Variants in ARHGEF7 observed in about 807,000 individuals in gnomAD.
The protein encoded by ARHGEF7 is Rho guanine nucleotide exchange factor 7, also known as PAK-interacting exchange factor beta.
Under a neutral mutation model 109.8 loss-of-function variants are expected in ARHGEF7, and 33 were observed. The observed-to-expected ratio is 0.30, with a 90% CI of 0.23 to 0.40. ARHGEF7 has a LOEUF of 0.40. Among genes scored for constraint, ARHGEF7 ranks in the 10% least tolerant of loss-of-function variants. The pLI, the probability that ARHGEF7 is intolerant of heterozygous loss-of-function variation, is 1.00. For missense variants in ARHGEF7, 938 were observed against 1,098.5 expected (o/e 0.85, Z 2.07); for synonymous variants, 458 against 424.6 (o/e 1.08, Z -0.97).
At chr13:111,116,106 C>T (rs2066751431) in intron 1 of ARHGEF7, among the ~76,000 whole-genome samples, 1 of 152,182 alleles carries the variant, frequency 6.6e-6, no homozygotes, top group Admixed American at 6.5e-5. Flanking sequence ...ACAGTTCTTG[C>T]CGGTGGCGTT....
In ARHGEF7 at chr13:111,300,748, G is replaced by A. The variant is rs1465729425; in HGVS notation, c.2312G>A (p.Arg771His). 3 of 1,601,378 alleles carry A rather than the reference G, an allele frequency of 1.9e-6. No homozygotes were observed. The highest frequency in any genetic ancestry group is 1.1e-5 in the South Asian group (1 of 89,028). The change falls in exon 20 of 22, where the codon CGT (arginine) becomes CAT (histidine). Residue 771 changes from arginine (R) to histidine (H), a missense_variant and splice_region_variant. Transcript: ENST00000646102. ...AHSYRMGSTSRSRKESAPQVL... is the reference protein window; with the variant it reads ...AHSYRMGSTSHSRKESAPQVL... ...ATTTATTATTTTTTCATGATCCTAGGTTCACGCAAAGAATCTGCTCCACAA... is the reference window on the plus strand; with the variant it reads ...ATTTATTATTTTTTCATGATCCTAGATTCACGCAAAGAATCTGCTCCACAA...
intron 3 of ARHGEF7, among the ~76,000 whole-genome samples, chr13:111,208,728 C>T (rs1223154620): frequency 6.6e-6 from 1 of 152,096 alleles, no homozygotes; most frequent in East Asian, 1.9e-4. Context: ...AGAGATTACT[C>T]GTAACCTGCC....
At chr13:111,250,905 G>T (rs978813783) in intron 8 of ARHGEF7, among the ~76,000 whole-genome samples, 5 of 152,230 alleles carry the variant, frequency 3.3e-5, no homozygotes, top group African/African-American at 1.2e-4. Flanking sequence ...CCCTCTGGGT[G>T]CAGCACCTCC....
intron 5 of ARHGEF7, among the ~76,000 whole-genome samples, chr13:111,220,899 G>A (rs2083756976): frequency 6.6e-6 from 1 of 151,418 alleles, no homozygotes; most frequent in South Asian, 2.1e-4. Flanking sequence ...GGAATCCATA[G>A]GTGTATTAGG....
At chr13:111,274,991 G>A (rs1333847452) in intron 11 of ARHGEF7, among the ~76,000 whole-genome samples, 1 of 152,218 alleles carries the variant, frequency 6.6e-6, no homozygotes, top group East Asian at 1.9e-4. Context: ...TAAAGTCACT[G>A]TGTAATTGAT....
intron 2 of ARHGEF7, among the ~76,000 whole-genome samples, chr13:111,200,187 C>T (rs897032405): frequency 6.6e-6 from 1 of 152,136 alleles, no homozygotes; most frequent in Non-Finnish European, 1.5e-5. Flanking sequence ...GCTGCGGCCT[C>T]TCTGGGGAGA....
chr13:111,286,370 G>A (rs148882812), intron 17 of ARHGEF7, 130 bp downstream of exon 17: 3 of 726,352 alleles, frequency 4.1e-6, no homozygotes, highest in Non-Finnish European at 7.2e-6. Flanking sequence ...GCCCCTTGAG[G>A]CAGTGATAGG....
intron 3 of ARHGEF7, among the ~76,000 whole-genome samples, chr13:111,208,424 G>T (rs559694926): frequency 2.6e-5 from 4 of 152,174 alleles, no homozygotes; most frequent in Non-Finnish European, 5.9e-5. Context: ...ACATTCTTGG[G>T]AAAATTGTCA....
chr13:111,171,821 G>A (rs2077622235), intron 2 of ARHGEF7, among the ~76,000 whole-genome samples: 2 of 152,152 alleles, frequency 1.3e-5, no homozygotes, highest in Non-Finnish European at 2.9e-5. Context: ...GGGGCCTTTG[G>A]AGGTGACTAG....
rs760954412 is a variant in ARHGEF7 at position 111,301,485 on chromosome 13, G to A, written c.2419G>A (p.Val807Met). ...TTCTGTTTCCTGTTTCAGGAGTCTT[G>A]TGGATACCGTATATGCATTAAAGGA... Reference protein sequence around the residue: ...GQTVIEEKSLVDTVYALKDEV... With the variant: ...GQTVIEEKSLMDTVYALKDEV... The change falls in exon 21 of 22, where the codon GTG becomes ATG. Residue 807 changes from valine (V) to methionine (M), a missense_variant. Val to Met is a conservative substitution (Grantham distance 21). Coordinates refer to ENST00000646102, the MANE Select transcript of ARHGEF7 (RefSeq NM_001354046.2). 2 of 1,613,250 alleles carry A rather than the reference G, an allele frequency of 1.2e-6. No individual in the cohort carries two copies. Among genetic ancestry groups the A allele is most frequent in the Admixed American group, 3.3e-5 (2 of 59,992 alleles).
chr13:111,137,484 C>T (rs1046853381), intron 1 of ARHGEF7, among the ~76,000 whole-genome samples: 1 of 152,216 alleles, frequency 6.6e-6, no homozygotes, highest in Non-Finnish European at 1.5e-5. Context: ...CCCTCCCCAT[C>T]CTCATGCTTA....
At chr13:111,128,250 G>C (rs9522137) in intron 1 of ARHGEF7, among the ~76,000 whole-genome samples, 53,127 of 152,154 alleles carry the variant, frequency 0.35, 9,743 homozygotes, top group Middle Eastern at 0.55. Flanking sequence ...CATCTAGATT[G>C]AAAAGGAAGA....
At chr13:111,301,709 A>G (rs546833812) in intron 21 of ARHGEF7, among the ~76,000 whole-genome samples, 177 bp downstream of exon 21, 3 of 152,310 alleles carry the variant, frequency 2.0e-5, no homozygotes, top group South Asian at 2.1e-4. Context: ...CCTCACCAAC[A>G]TGGCAAAAAC....
intron 1 of ARHGEF7, among the ~76,000 whole-genome samples, chr13:111,133,017 T>C (rs577546975): frequency 6.6e-6 from 1 of 152,248 alleles, no homozygotes; most frequent in South Asian, 2.1e-4. Flanking sequence ...TATTTATATA[T>C]ACACATGCAC....
chr13:111,254,623 C>T (rs1175228142), intron 8 of ARHGEF7, among the ~76,000 whole-genome samples: 2 of 142,136 alleles, frequency 1.4e-5, no homozygotes, highest in South Asian at 2.3e-4. Context: ...GAGTCGCTAA[C>T]GTGAAGGCCG....
At chr13:111,209,754 G>A (rs2153475240) in intron 3 of ARHGEF7, 118 bp from the exon 4 acceptor site, 1 of 1,194,190 alleles carries the variant, frequency 8.4e-7, no homozygotes, top group East Asian at 2.5e-5. Flanking sequence ...GGGCTGCTTT[G>A]TTGTGGTCTT....
chr13:111,233,209 G>A lies in ARHGEF7; in HGVS notation c.675G>A (p.Lys225=), dbSNP rs141623185. 6.2e-7 allele frequency: 1 copy of A among 1,613,228 alleles called. No homozygotes were observed. Among genetic ancestry groups the A allele is most frequent in the Non-Finnish European group, 8.5e-7 (1 of 1,179,326 alleles). Residue 225 remains lysine, a synonymous_variant, in exon 6 of 22, where the codon AAG becomes AAA. Coordinates refer to ENST00000646102, the MANE Select transcript of ARHGEF7 (RefSeq NM_001354046.2). ...NYVREVKASE[K]PVSPKSGTLK... ...TATGTTACATTTTCATTTCAGAGAA[G>A]CCTGTGTCTCCCAAATCAGGAACAC...
At chr13:111,129,887 A>G (rs897166480) in intron 1 of ARHGEF7, among the ~76,000 whole-genome samples, 6 of 152,254 alleles carry the variant, frequency 3.9e-5, no homozygotes, top group African/African-American at 1.2e-4. Context: ...TCTGCCCAAG[A>G]AAATGGAAAC....
At chr13:111,205,427 C>T in intron 3 of ARHGEF7, 54 bp downstream of exon 3, 1 of 1,316,432 alleles carries the variant, frequency 7.6e-7, no homozygotes, top group South Asian at 1.5e-5. Flanking sequence ...CGGGCTGACA[C>T]CTTTGGTTTT....
Sources: gnomAD v4.1 joint callset for allele counts (sites outside exome capture counted in the v4.1 genomes callset) on GRCh38, gnomAD v4.1.1 for gene constraint, MANE v1.5 for transcripts, NCBI Gene and HGNC (gene_info 2026-07-23, HGNC 2026-07-21) for gene names.